The following PARD3B variants were observed in gnomAD, a reference collection of about 807,000 sequenced individuals.
The protein encoded by PARD3B is partitioning defective 3 homolog B.
Under a neutral mutation model 130.2 loss-of-function variants are expected in PARD3B, and 103 were observed. That is an observed-to-expected ratio of 0.79 (90% CI 0.67 to 0.93). The LOEUF (loss-of-function observed/expected upper bound fraction) is 0.93. Among genes scored for constraint, PARD3B ranks in the 40% least tolerant of loss-of-function variants. The probability of loss-of-function intolerance (pLI) is 0.00; values close to 1 mark genes in which losing one functional copy is unlikely to be tolerated. For missense variants in PARD3B, 1,609 were observed against 1,499.2 expected (o/e 1.07, Z -1.21); for synonymous variants, 583 against 553.2 (o/e 1.05, Z -0.76).
chr2:205,535,425 A>G, intron 21 of PARD3B, among the ~76,000 whole-genome samples: 1 of 152,220 alleles, frequency 6.6e-6, no homozygotes, highest in East Asian at 1.9e-4. Context: ...TACTAACAGC[A>G]GTTTGCAACT....
At chr2:205,593,164 T>C (rs2054449485) in intron 22 of PARD3B, among the ~76,000 whole-genome samples, 1 of 152,218 alleles carries the variant, frequency 6.6e-6, no homozygotes, top group South Asian at 2.1e-4. Context: ...ATTTGATTTC[T>C]GAAAGCAATT....
At position 205,160,459 on chromosome 2, in the gene PARD3B, C is replaced by T. The variant is rs2034444768; in HGVS notation, c.1620+1552C>T. 6.6e-6 allele frequency among the ~76,000 whole-genome samples: 1 copy of T among 152,200 alleles called. No individual in the cohort carries two copies. Among genetic ancestry groups the T allele is most frequent in the Non-Finnish European group, 1.5e-5 (1 of 68,042 alleles). ...AATCCGCGGGCTCCAAGCTAGCACA[C>T]TGTCACCCCACACATAGGCCACTGG... On this transcript the variant is annotated intron_variant, in intron 11 of 22. Coordinates refer to ENST00000406610, the MANE Select transcript of PARD3B (RefSeq NM_001302769.2). This position sits in a 1 kb window ranked among gnomAD's most constrained non-coding sequence, Gnocchi z 4.0.
chr2:205,579,840 GTAA>G (rs916342611), intron 22 of PARD3B, among the ~76,000 whole-genome samples: 2 of 152,154 alleles, frequency 1.3e-5, no homozygotes, highest in Non-Finnish European at 2.9e-5. Context: ...TTTTGAGGGA[GTAA>G]TAATAGCCAG....
intron 18 of PARD3B, among the ~76,000 whole-genome samples, chr2:205,336,549 A>T (rs1405147791): frequency 6.6e-6 from 1 of 152,216 alleles, no homozygotes; most frequent in Non-Finnish European, 1.5e-5. Flanking sequence ...CTTCTGCAAG[A>T]GATGGTCAGA....
chr2:204,624,476 A>G (rs1405845047), intron 1 of PARD3B, among the ~76,000 whole-genome samples: 5 of 152,038 alleles, frequency 3.3e-5, no homozygotes, highest in Non-Finnish European at 7.4e-5. Context: ...TACCTATACA[A>G]AAGAATTTAA....
rs2046769250 is a variant in PARD3B at position 205,416,198 on chromosome 2, A to G, written c.2741+15075A>G. ...TATTCCTGTTTGTGAGAATACCTTT[A>G]ATGCTGTGACCCTGGGTGTGCCTGC... On this transcript the variant is annotated intron_variant, in intron 19 of 22. Transcript: ENST00000406610. 2.6e-5 allele frequency among the ~76,000 whole-genome samples: 4 copies of G among 152,170 alleles called. No individual in the cohort carries two copies. In the South Asian group the frequency reaches 8.3e-4, roughly 32 times the overall value.
chr2:204,894,321 A>G (rs955870612), intron 2 of PARD3B, among the ~76,000 whole-genome samples: 1 of 152,176 alleles, frequency 6.6e-6, no homozygotes, highest in Admixed American at 6.6e-5. Flanking sequence ...TTCTTTAAAC[A>G]AATAGTTTGA....
chr2:204,571,273 C>CAAGG (rs2031989055), intron 1 of PARD3B, among the ~76,000 whole-genome samples: 1 of 152,188 alleles, frequency 6.6e-6, no homozygotes, highest in African/African-American at 2.4e-5. Context: ...AAACCGTGGG[C>CAAGG]AAGGCCCTTG....
At position 204,590,415 on chromosome 2, in the gene PARD3B, C is replaced by T. The variant is rs549271296; in HGVS notation, c.120+44296C>T. ...TGATTGTAAAGGATGTGCAAAGAAA[C>T]GTTGGCAAGAATGCTGTGCAAATGG... On this transcript the variant is annotated intron_variant, in intron 1 of 22. Coordinates refer to ENST00000406610, the MANE Select transcript of PARD3B (RefSeq NM_001302769.2). 7.9e-5 allele frequency among the ~76,000 whole-genome samples: 12 copies of T among 152,266 alleles called. No individual in the cohort carries two copies. In the East Asian group the frequency reaches 2.1e-3, roughly 27 times the overall value.
At chr2:205,262,809 A>G (rs903629683) in intron 16 of PARD3B, among the ~76,000 whole-genome samples, 1 of 152,252 alleles carries the variant, frequency 6.6e-6, no homozygotes, top group African/African-American at 2.4e-5. Flanking sequence ...ACCTGCAAAG[A>G]GGGACAACTC....
chr2:205,549,795 A>G (rs1408933513), intron 21 of PARD3B, among the ~76,000 whole-genome samples: 7 of 152,156 alleles, frequency 4.6e-5, no homozygotes, highest in Non-Finnish European at 1.0e-4. Context: ...AGTGATTATA[A>G]TGTGTCAATG....
chr2:205,227,311 C>T (rs2038608110), intron 15 of PARD3B, among the ~76,000 whole-genome samples: 1 of 152,102 alleles, frequency 6.6e-6, no homozygotes, highest in Non-Finnish European at 1.5e-5. Context: ...ATTGGGATCT[C>T]TCTGCCTCTT....
At chr2:205,168,320 A>AGAGTGTGT (rs371904121) in intron 11 of PARD3B, among the ~76,000 whole-genome samples, 45 of 119,766 alleles carry the variant, frequency 3.8e-4, no homozygotes, top group Middle Eastern at 4.5e-3. Context: ...AGAGAGAGAG[A>AGAGTGTGT]GTGTGTGTGT....
intron 2 of PARD3B, among the ~76,000 whole-genome samples, chr2:204,961,077 C>T (rs529545963): frequency 1.6e-4 from 25 of 152,182 alleles, no homozygotes; most frequent in South Asian, 1.5e-3. Flanking sequence ...CAGCAGAACA[C>T]GACGTCAGAA....
At chr2:205,556,878 G>C (rs991675224) in intron 22 of PARD3B, among the ~76,000 whole-genome samples, 2 of 152,108 alleles carry the variant, frequency 1.3e-5, no homozygotes, top group East Asian at 3.9e-4. Context: ...TTTGCAAACG[G>C]CTCCTTTTTC....
chr2:205,307,409 G>A (rs964316088), intron 18 of PARD3B, among the ~76,000 whole-genome samples: 3 of 152,052 alleles, frequency 2.0e-5, no homozygotes, highest in Non-Finnish European at 2.9e-5. Flanking sequence ...TATTATTATT[G>A]TGGAAAAATA....
At position 205,310,719 on chromosome 2, in the gene PARD3B, CTTTTT is replaced by C. The variant is rs34032930; in HGVS notation, c.2630+9036_2630+9040del. 4.8e-5 allele frequency among the ~76,000 whole-genome samples: 4 copies of C among 82,588 alleles called. No individual in the cohort carries two copies. In the Admixed American group the frequency reaches 7.2e-4, roughly 15 times the overall value. 54.2% of individuals were successfully genotyped at this position (82,588 alleles called of 152,430 possible). A position where few individuals can be genotyped will look rare whatever the true frequency, so the allele number is the denominator to read the frequency against. ...TATTTCTTCCTTTCTTTCTTTCTTT[CTTTTT>C]TTTTTTTTTTTTTTTTTGAGACAGA... is the stretch of plus-strand genomic sequence containing the variant. On this transcript the variant is annotated intron_variant, in intron 18 of 22. Transcript: ENST00000406610.
intron 1 of PARD3B, among the ~76,000 whole-genome samples, chr2:204,603,283 T>G (rs566915621): frequency 3.3e-4 from 50 of 152,306 alleles, no homozygotes; most frequent in South Asian, 1.0e-3. Context: ...TTTTTCTGGA[T>G]CTGACTTCCT....
At chr2:204,747,657 A>G (rs1041594483) in intron 2 of PARD3B, among the ~76,000 whole-genome samples, 10 of 152,180 alleles carry the variant, frequency 6.6e-5, no homozygotes, top group Non-Finnish European at 1.0e-4. Flanking sequence ...TGGAGGCATC[A>G]TGCTACCTGA....
Sources: allele counts gnomAD v4.1 joint callset (sites outside exome capture counted in the v4.1 genomes callset), GRCh38; gene constraint gnomAD v4.1.1; non-coding constraint Gnocchi (gnomAD v3.1); transcripts MANE v1.5; gene names NCBI Gene and HGNC (gene_info 2026-07-23, HGNC 2026-07-21).